MBNL1: variants seen among roughly 807,000 people sequenced by gnomAD.
MBNL1 encodes the protein muscleblind-like protein 1.
In MBNL1, 8 loss-of-function variants were observed where a neutral mutation model predicts 42.2. The observed-to-expected ratio is 0.19, with a 90% CI of 0.11 to 0.34. The LOEUF (loss-of-function observed/expected upper bound fraction) is 0.34, where lower values mean the gene tolerates loss of function less well. MBNL1 is among the 10% of genes least tolerant of loss of function. MBNL1 has a pLI of 1.00. For synonymous variants in MBNL1, 169 were observed against 173.9 expected (o/e 0.97, Z 0.22); for missense variants, 309 against 495.3 (o/e 0.62, Z 3.57).
intron 2 of MBNL1, among the ~76,000 whole-genome samples, chr3:152,352,602 GGTT>G (rs1340610789): frequency 6.7e-6 from 1 of 149,058 alleles, no homozygotes; most frequent in Non-Finnish European, 1.5e-5. Context: ...GTTTTTTTTT[GGTT>G]GTTGTTGTTT....
At chr3:152,360,230 C>T (rs1184790720) in intron 2 of MBNL1, among the ~76,000 whole-genome samples, 1 of 152,108 alleles carries the variant, frequency 6.6e-6, no homozygotes, top group African/African-American at 2.4e-5. Flanking sequence ...TTTCCCTCCT[C>T]CAATAAATCT....
chr3:152,455,915 A>G (rs2153950944), intron 7 of MBNL1, among the ~76,000 whole-genome samples: 1 of 152,376 alleles, frequency 6.6e-6, no homozygotes, highest in African/African-American at 2.4e-5. Flanking sequence ...AACTGTATAT[A>G]TGAAGTAAAT....
At chr3:152,305,279 T>C (rs78186009) in intron 2 of MBNL1, among the ~76,000 whole-genome samples, 2,404 of 152,174 alleles carry the variant, frequency 0.016, 56 homozygotes, top group African/African-American at 0.055. Context: ...AGGTGAGAAA[T>C]GGAATGTTTC....
At chr3:152,447,486 T>C in intron 5 of MBNL1, 134 bp from the exon 6 acceptor site, 1 of 531,330 alleles carries the variant, frequency 1.9e-6, no homozygotes, top group East Asian at 3.0e-5. Context: ...TCATTGGATT[T>C]TTTCCCTCGG....
chr3:152,406,650 GAAAA>G (rs34227599), intron 2 of MBNL1, among the ~76,000 whole-genome samples: 7 of 151,814 alleles, frequency 4.6e-5, no homozygotes, highest in African/African-American at 1.7e-4. Context: ...GTTCTCTGGG[GAAAA>G]AAAAGTCATA....
rs1749366231 is a variant in MBNL1 at position 152,464,512 on chromosome 3, T to G, written c.*2146T>G. 1.3e-5 allele frequency: 2 copies of G among 152,602 alleles called. No homozygotes were observed. The highest frequency in any genetic ancestry group is 2.9e-5 in the Non-Finnish European group (2 of 68,018). 9.5% of individuals were successfully genotyped at this position (152,602 alleles called of 1,614,324 possible). On this transcript the variant is annotated 3_prime_UTR_variant, in exon 10 of 10. Transcript: ENST00000324210. ...GACAATTGAGTAATATTTTGATGAT[T>G]TATTTTGTTTGTAATTAGTTATTAT...
intron 1 of MBNL1, among the ~76,000 whole-genome samples, chr3:152,289,835 T>G (rs996689487): frequency 2.6e-5 from 4 of 152,092 alleles, no homozygotes. Context: ...AGTGAAATAA[T>G]AGGGACTTTT....
chr3:152,344,132 T>C (rs1369839368), intron 2 of MBNL1, among the ~76,000 whole-genome samples: 1 of 152,132 alleles, frequency 6.6e-6, no homozygotes, highest in Non-Finnish European at 1.5e-5. Flanking sequence ...TTGTTTGATA[T>C]ATGTTTCCCA....
chr3:152,290,784 C>G (rs2055472683), intron 1 of MBNL1, among the ~76,000 whole-genome samples: 1 of 152,110 alleles, frequency 6.6e-6, no homozygotes, highest in South Asian at 2.1e-4. Context: ...GCTTTAGGAT[C>G]AAAGTCTATA....
intron 2 of MBNL1, among the ~76,000 whole-genome samples, chr3:152,366,650 A>G (rs541335461): frequency 1.1e-4 from 17 of 152,202 alleles, no homozygotes; most frequent in Non-Finnish European, 2.4e-4. Context: ...TGGTAGGATA[A>G]ATTATAACAG....
At chr3:152,373,725 T>C (rs528593530) in intron 2 of MBNL1, among the ~76,000 whole-genome samples, 1 of 152,312 alleles carries the variant, frequency 6.6e-6, no homozygotes, top group Admixed American at 6.5e-5. Flanking sequence ...TTGATCTCAC[T>C]GGGAGCTGCA....
rs1055892544 is a variant in MBNL1 at position 152,319,899 on chromosome 3, T to C, written c.174+19532T>C. On this transcript the variant is annotated intron_variant, in intron 2 of 9. Coordinates refer to ENST00000324210, the MANE Select transcript of MBNL1 (RefSeq NM_021038.5). ...TGTGCTCTTACTCCTGGGTCCCTCA[T>C]TGTACAGTGATCATCAAATGCAACA... Among the ~76,000 whole-genome samples, 47 of 152,186 alleles carry C rather than the reference T, an allele frequency of 3.1e-4. 1 individual carries two copies. The highest frequency in any genetic ancestry group is 6.5e-5 in the Admixed American group (1 of 15,282).
intron 2 of MBNL1, among the ~76,000 whole-genome samples, chr3:152,346,201 A>G (rs1461527426): frequency 6.6e-6 from 1 of 152,130 alleles, no homozygotes; most frequent in Non-Finnish European, 1.5e-5. Flanking sequence ...GCTTAAGACA[A>G]AAAACAATGT....
chr3:152,330,085 C>T (rs747609984), intron 2 of MBNL1, among the ~76,000 whole-genome samples: 16 of 152,152 alleles, frequency 1.1e-4, no homozygotes, highest in East Asian at 1.9e-4. Flanking sequence ...TCTCTACTGA[C>T]GTTATTAGGG....
intron 1 of MBNL1, among the ~76,000 whole-genome samples, chr3:152,284,943 T>G (rs966930902): frequency 9.9e-5 from 15 of 152,150 alleles, no homozygotes; most frequent in Non-Finnish European, 2.2e-4. Flanking sequence ...AACTTCATAA[T>G]CTATTCAAAA....
chr3:152,455,402 TGACA>T, intron 6 of MBNL1, 136 bp from the exon 7 acceptor site: 1 of 697,456 alleles, frequency 1.4e-6, no homozygotes, highest in Non-Finnish European at 2.6e-6. Context: ...TTGATTGTGC[TGACA>T]GTTACATGCC....
chr3:152,343,765 G>A (rs1420439940), intron 2 of MBNL1, among the ~76,000 whole-genome samples: 1 of 152,076 alleles, frequency 6.6e-6, no homozygotes, highest in African/African-American at 2.4e-5. Context: ...ATTCCAAATT[G>A]TTTAAAAAAT....
chr3:152,448,121 A>G (rs1038384787), intron 6 of MBNL1, among the ~76,000 whole-genome samples: 11 of 152,104 alleles, frequency 7.2e-5, no homozygotes, highest in African/African-American at 2.7e-4. Flanking sequence ...CTTTGCCTTC[A>G]TTATTCCATA....
chr3:152,331,390 G>A (rs886082113), intron 2 of MBNL1, among the ~76,000 whole-genome samples: 1 of 152,154 alleles, frequency 6.6e-6, no homozygotes, highest in Non-Finnish European at 1.5e-5. Flanking sequence ...AAGTTGTGAG[G>A]ACAAAATGAC....
Sources: gnomAD v4.1 joint callset for allele counts (sites outside exome capture counted in the v4.1 genomes callset) on GRCh38, gnomAD v4.1.1 for gene constraint, MANE v1.5 for transcripts, NCBI Gene and HGNC (gene_info 2026-07-23, HGNC 2026-07-21) for gene names.